CDK6: variants seen among roughly 807,000 people sequenced by gnomAD.
CDK6 encodes the protein cyclin dependent kinase 6.
Under a neutral mutation model 37.1 loss-of-function variants are expected in CDK6, and 6 were observed. The ratio of observed to expected loss-of-function variants is 0.16; its 90% CI spans 0.09 to 0.32. The LOEUF (loss-of-function observed/expected upper bound fraction) is 0.32. Ranked by LOEUF, CDK6 falls within the 10% of genes least tolerant of loss-of-function variation. The probability of loss-of-function intolerance (pLI) is 1.00; values close to 1 mark genes in which losing one functional copy is unlikely to be tolerated. For synonymous variants in CDK6, 160 were observed against 161.3 expected, an observed-to-expected ratio of 0.99 and a Z score of 0.06; for missense variants, 224 against 418.9, an observed-to-expected ratio of 0.53 and a Z score of 4.06.
At position 92,607,252 on chromosome 7, in the gene CDK6, T is replaced by C. The variant is rs1291068574; in HGVS notation, c.*7888A>G. On this transcript the variant is annotated 3_prime_UTR_variant, in exon 8 of 8. Transcript: ENST00000424848. ...ACATCACGTGAGGGAAGCTTCTTCA[T>C]GAGGGCAGACAAGAGGAGGCACCAC... 4.3e-6 allele frequency: 1 copy of C among 233,632 alleles called. No individual in the cohort carries two copies. Among genetic ancestry groups the C allele is most frequent in the Non-Finnish European group, 8.5e-6 (1 of 118,100 alleles). The allele number at this position is 233,632 out of a possible 1,614,324, so 14.5% of individuals were successfully genotyped here.
intron 2 of CDK6, among the ~76,000 whole-genome samples, chr7:92,799,788 T>C (rs1383857358): frequency 6.6e-6 from 1 of 152,216 alleles, no homozygotes; most frequent in African/African-American, 2.4e-5. Flanking sequence ...AAGATTTCTA[T>C]ACATCTCCTT....
chr7:92,744,940 G>A (rs1248949008), intron 3 of CDK6, among the ~76,000 whole-genome samples: 3 of 151,996 alleles, frequency 2.0e-5, no homozygotes, highest in East Asian at 1.9e-4. Context: ...CTCGCTGGGC[G>A]ACCTTGGGTA....
At chr7:92,734,946 G>C (rs1798749069) in intron 3 of CDK6, among the ~76,000 whole-genome samples, 1 of 152,210 alleles carries the variant, frequency 6.6e-6, no homozygotes, top group Non-Finnish European at 1.5e-5. Flanking sequence ...CAGGGGTCAA[G>C]AGACATGGAT....
At chr7:92,827,221 CAAT>C (rs1801347450) in intron 2 of CDK6, among the ~76,000 whole-genome samples, 1 of 152,018 alleles carries the variant, frequency 6.6e-6, no homozygotes. Flanking sequence ...AGACTTCTTC[CAAT>C]TAAAAAAATC....
At chr7:92,787,619 C>T (rs1378126493) in intron 2 of CDK6, among the ~76,000 whole-genome samples, 4 of 152,086 alleles carry the variant, frequency 2.6e-5, no homozygotes, top group African/African-American at 9.7e-5. Flanking sequence ...GTATGCATTA[C>T]TGCCGCATTA....
intron 4 of CDK6, among the ~76,000 whole-genome samples, chr7:92,680,095 A>C (rs1321247719): frequency 6.6e-6 from 1 of 152,016 alleles, no homozygotes; most frequent in Non-Finnish European, 1.5e-5. Context: ...TGCCAAGCAC[A>C]GTCTTCTCAT....
intron 3 of CDK6, among the ~76,000 whole-genome samples, chr7:92,765,884 A>G (rs1030904636): frequency 3.9e-4 from 60 of 152,226 alleles, no homozygotes; most frequent in African/African-American, 1.4e-3. Flanking sequence ...AGAGGGTCAG[A>G]GAAGGAATGA....
At chr7:92,741,785 T>C (rs1177307065) in intron 3 of CDK6, among the ~76,000 whole-genome samples, 2 of 152,316 alleles carry the variant, frequency 1.3e-5, no homozygotes, top group South Asian at 4.1e-4. Context: ...GACGGCATAG[T>C]ACTTCAGAGT....
At chr7:92,787,651 C>T (rs942088976) in intron 2 of CDK6, among the ~76,000 whole-genome samples, 2 of 152,028 alleles carry the variant, frequency 1.3e-5, no homozygotes, top group Non-Finnish European at 2.9e-5. Context: ...TTTCAATCCC[C>T]TCCCAATATG....
At chr7:92,704,395 C>T (rs2116667668) in intron 4 of CDK6, among the ~76,000 whole-genome samples, 1 of 152,276 alleles carries the variant, frequency 6.6e-6, no homozygotes, top group South Asian at 2.1e-4. Context: ...CTTGGGTGCT[C>T]AGAGCCCTCC....
chr7:92,667,884 T>C (rs1796993842), intron 5 of CDK6, among the ~76,000 whole-genome samples: 1 of 152,268 alleles, frequency 6.6e-6, no homozygotes, highest in East Asian at 1.9e-4. Context: ...AGTAAAAATG[T>C]TACAGTAAGC....
chr7:92,677,308 G>C (rs1377084433), intron 4 of CDK6, among the ~76,000 whole-genome samples: 4 of 152,058 alleles, frequency 2.6e-5, no homozygotes, highest in Non-Finnish European at 5.9e-5. Flanking sequence ...AATGACCTGG[G>C]CCTACATTTA....
At chr7:92,788,551 G>C (rs1324545848) in intron 2 of CDK6, among the ~76,000 whole-genome samples, 1 of 152,084 alleles carries the variant, frequency 6.6e-6, no homozygotes, top group African/African-American at 2.4e-5. Flanking sequence ...ATGATTCATG[G>C]TCATTACTGT....
At chr7:92,704,978 T>C (rs1464682005) in intron 4 of CDK6, among the ~76,000 whole-genome samples, 2 of 152,212 alleles carry the variant, frequency 1.3e-5, no homozygotes, top group Non-Finnish European at 2.9e-5. Context: ...AGGTGTTTCT[T>C]GAAAAAGCAA....
chr7:92,718,465 G>T (rs568142677), intron 4 of CDK6, among the ~76,000 whole-genome samples: 1 of 152,292 alleles, frequency 6.6e-6, no homozygotes, highest in South Asian at 2.1e-4. Context: ...CAACACGCAC[G>T]AAGAGGAAAC....
chr7:92,668,385 T>C (rs2116596676), intron 5 of CDK6, among the ~76,000 whole-genome samples: 1 of 152,310 alleles, frequency 6.6e-6, no homozygotes, highest in African/African-American at 2.4e-5. Flanking sequence ...TACTTTTGTT[T>C]AGGATGAGGC....
chr7:92,729,455 G>C (rs1318264100), intron 3 of CDK6, among the ~76,000 whole-genome samples: 1 of 152,106 alleles, frequency 6.6e-6, no homozygotes, highest in Non-Finnish European at 1.5e-5. Flanking sequence ...ACAGTCACTT[G>C]GGACCCTCAC....
chr7:92,765,844 A>G (rs1219113041), intron 3 of CDK6, among the ~76,000 whole-genome samples: 1 of 152,230 alleles, frequency 6.6e-6, no homozygotes, highest in Non-Finnish European at 1.5e-5. Context: ...GTAATGTGAT[A>G]AACTATAACT....
intron 4 of CDK6, among the ~76,000 whole-genome samples, chr7:92,713,155 G>C (rs1367311260): frequency 6.6e-6 from 1 of 152,068 alleles, no homozygotes; most frequent in Non-Finnish European, 1.5e-5. Flanking sequence ...CACTGCGCCC[G>C]GTTGACATTA....
Sources: gnomAD v4.1 joint callset for allele counts (sites outside exome capture counted in the v4.1 genomes callset) on GRCh38, gnomAD v4.1.1 for gene constraint, MANE v1.5 for transcripts, NCBI Gene and HGNC (gene_info 2026-07-23, HGNC 2026-07-21) for gene names.